DOCK4: variants seen among roughly 807,000 people sequenced by gnomAD.
The protein encoded by DOCK4 is dedicator of cytokinesis protein 4.
A neutral mutation model predicts 268.1 loss-of-function variants in DOCK4; 97 were observed. The observed-to-expected ratio is 0.36, with a 90% CI of 0.31 to 0.43. The LOEUF (loss-of-function observed/expected upper bound fraction) is 0.43. DOCK4 is among the 20% of genes least tolerant of loss of function. The probability of loss-of-function intolerance (pLI) is 1.00; values close to 1 mark genes in which losing one functional copy is unlikely to be tolerated. For synonymous variants in DOCK4, 954 were observed against 887.2 expected (o/e 1.08, Z -1.34); for missense variants, 2,145 against 2,455.7 (o/e 0.87, Z 2.67).
At chr7:111,903,333 A>G (rs1001820909) in intron 13 of DOCK4, among the ~76,000 whole-genome samples, 1 of 152,314 alleles carries the variant, frequency 6.6e-6, no homozygotes. Flanking sequence ...AAGAGTCTAT[A>G]AAACATACAT....
At chr7:111,732,566 C>T (rs1018300544) in intron 51 of DOCK4, 3 of 446,586 alleles carry the variant, frequency 6.7e-6, no homozygotes, top group African/African-American at 2.0e-5. Context: ...ATCCAATGTC[C>T]TTTCCGTTTC....
chr7:112,173,473 C>T (rs11767977), intron 1 of DOCK4, among the ~76,000 whole-genome samples: 15,272 of 152,126 alleles, frequency 0.1, 953 homozygotes, highest in South Asian at 0.14. Flanking sequence ...CCTAAGGAAT[C>T]ATTTCCTAAA....
intron 17 of DOCK4, among the ~76,000 whole-genome samples, chr7:111,874,134 G>A (rs1806651959): frequency 6.6e-6 from 1 of 152,058 alleles, no homozygotes; most frequent in Admixed American, 6.6e-5. Context: ...ACTTCAGGAG[G>A]CCTCCCCTCC....
intron 25 of DOCK4, among the ~76,000 whole-genome samples, chr7:111,835,523 T>C (rs1304199927): frequency 6.6e-6 from 1 of 152,214 alleles, no homozygotes; most frequent in Admixed American, 6.5e-5. Context: ...CATTTTTGAA[T>C]GAACTTCTAA....
At chr7:112,189,835 G>T in intron 1 of DOCK4, among the ~76,000 whole-genome samples, 1 of 142,288 alleles carries the variant, frequency 7.0e-6, no homozygotes, top group Non-Finnish European at 1.5e-5. Flanking sequence ...ACCCGCTTCA[G>T]CCTCTCAAAG....
chr7:111,987,809 C>G (rs1226918830), intron 6 of DOCK4, among the ~76,000 whole-genome samples: 1 of 152,228 alleles, frequency 6.6e-6, no homozygotes, highest in African/African-American at 2.4e-5. Context: ...TGCTGCCCCT[C>G]CACATTTGTA....
intron 1 of DOCK4, among the ~76,000 whole-genome samples, chr7:112,081,913 C>G (rs75938114): frequency 6.6e-6 from 1 of 152,012 alleles, no homozygotes; most frequent in African/African-American, 2.4e-5. Context: ...GCTCATGAGT[C>G]CAGAGACAGA....
At chr7:111,830,232 C>A (rs143997313) in intron 26 of DOCK4, among the ~76,000 whole-genome samples, 1,649 of 152,156 alleles carry the variant, frequency 0.011, 34 homozygotes, top group African/African-American at 0.037. Flanking sequence ...TCGAGACCAT[C>A]CTGGCCAACA....
At chr7:111,858,319 G>A (rs905310959) in intron 23 of DOCK4, among the ~76,000 whole-genome samples, 6 of 152,076 alleles carry the variant, frequency 3.9e-5, no homozygotes, top group African/African-American at 1.2e-4. Flanking sequence ...TTCTCCTTGG[G>A]ATTTGTGATG....
At position 111,900,469 on chromosome 7, in the gene DOCK4, T is replaced by C. The variant is rs1422598945; in HGVS notation, c.1385A>G (p.Asn462Ser). ...SEYHSFVLYH[N>S]NSPRWSELLK... is the part of the protein sequence containing the mutation. The stretch of plus-strand genomic sequence containing the variant: ...CAGTTCAGACCACCTGGGACTGTTG[T>C]TATGGTAAAGCACAAAGGAGTGGTA... The change falls in exon 15 of 53, where the codon AAC (asparagine) becomes AGC (serine). Residue 462 changes from asparagine to serine, a missense_variant. Physicochemically the swap from Asn to Ser is conservative, Grantham distance 46. Transcript: ENST00000428084. 33 of 1,613,050 alleles carry C rather than the reference T, an allele frequency of 2.0e-5. No homozygotes were observed. Among genetic ancestry groups the C allele is most frequent in the Non-Finnish European group, 2.6e-5 (31 of 1,179,652 alleles).
chr7:112,103,035 C>T (rs1460339731), intron 1 of DOCK4, among the ~76,000 whole-genome samples: 1 of 152,092 alleles, frequency 6.6e-6, no homozygotes, highest in East Asian at 1.9e-4. Flanking sequence ...ATGCCTAGAC[C>T]TCTGTCTCTG....
intron 32 of DOCK4, among the ~76,000 whole-genome samples, chr7:111,786,998 G>A (rs916437910): frequency 2.6e-5 from 4 of 152,020 alleles, no homozygotes; most frequent in African/African-American, 9.7e-5. Context: ...AATCTCTATT[G>A]AATGAATCAG....
intron 8 of DOCK4, among the ~76,000 whole-genome samples, chr7:111,946,328 G>T (rs1422326464): frequency 1.2e-4 from 19 of 152,242 alleles, no homozygotes; most frequent in South Asian, 6.2e-4. Flanking sequence ...ACGAACAGAA[G>T]ATCTCAAACT....
In DOCK4 at chr7:111,935,642, A is replaced by G; in HGVS notation, c.978-14T>C. 1 of 1,608,130 alleles carries G rather than the reference A, an allele frequency of 6.2e-7. No individual in the cohort carries two copies. The highest frequency in any genetic ancestry group is 8.5e-7 in the Non-Finnish European group (1 of 1,174,886). On this transcript the variant is annotated splice_polypyrimidine_tract_variant and intron_variant, in intron 11 of 52. Transcript: ENST00000428084. ...TCTGTGTTACACCTATGAAAACATT[A>G]ACACTCTGTTAAGCTTTAATGATGC...
intron 1 of DOCK4, among the ~76,000 whole-genome samples, chr7:112,155,321 G>T (rs1386969972): frequency 6.6e-6 from 1 of 152,100 alleles, no homozygotes; most frequent in Non-Finnish European, 1.5e-5. Flanking sequence ...GAATACTAAG[G>T]ATTAATTTAA....
intron 36 of DOCK4, 120 bp downstream of exon 36, chr7:111,778,156 T>G (rs904293352): frequency 3.2e-6 from 2 of 624,048 alleles, no homozygotes; most frequent in Non-Finnish European, 5.5e-6. Flanking sequence ...CAATTAAAAA[T>G]AAATTTTAAT....
At chr7:111,880,469 C>T (rs1435771249) in intron 16 of DOCK4, among the ~76,000 whole-genome samples, 5 of 151,990 alleles carry the variant, frequency 3.3e-5, no homozygotes, top group East Asian at 1.9e-4. Context: ...CTCTTCAATC[C>T]GAAAGAAAAG....
At chr7:111,925,607 A>G (rs980703171) in intron 12 of DOCK4, among the ~76,000 whole-genome samples, 1 of 152,188 alleles carries the variant, frequency 6.6e-6, no homozygotes, top group African/African-American at 2.4e-5. Context: ...TGTTAATTAC[A>G]TGATGAAAGG....
chr7:111,945,500 T>G (rs1439880169), intron 9 of DOCK4, among the ~76,000 whole-genome samples: 1 of 152,178 alleles, frequency 6.6e-6, no homozygotes, highest in Non-Finnish European at 1.5e-5. Context: ...CTGTTATACT[T>G]TGGTAATAGT....
Sources: gnomAD v4.1 joint callset for allele counts (sites outside exome capture counted in the v4.1 genomes callset) on GRCh38, gnomAD v4.1.1 for gene constraint, MANE v1.5 for transcripts, NCBI Gene and HGNC (gene_info 2026-07-23, HGNC 2026-07-21) for gene names.